GFRA1: variants seen among roughly 807,000 people sequenced by gnomAD.
GFRA1 encodes the protein GDNF family receptor alpha-1.
GFRA1 carries 16 observed loss-of-function variants against 51.6 expected under a neutral mutation model. The observed-to-expected ratio is 0.31, with a 90% CI of 0.21 to 0.47. The LOEUF is 0.47. Ranked by LOEUF, GFRA1 falls within the 20% of genes least tolerant of loss-of-function variation. GFRA1 has a pLI of 1.00. For synonymous variants in GFRA1, 270 were observed against 241.3 expected (o/e 1.12, Z -1.10); for missense variants, 530 against 594.3 (o/e 0.89, Z 1.13).
intron 5 of GFRA1, among the ~76,000 whole-genome samples, chr10:116,207,615 G>GAT (rs375530867): frequency 0.081 from 8,003 of 98,532 alleles, 574 homozygotes; most frequent in African/African-American, 0.22. Context: ...ATATATGATT[G>GAT]ATATATATAT....
intron 9 of GFRA1, among the ~76,000 whole-genome samples, chr10:116,070,759 C>CTTTTT (rs773344299): frequency 1.0e-4 from 10 of 97,708 alleles, no homozygotes; most frequent in African/African-American, 4.3e-4. Flanking sequence ...AGTCTGGAGC[C>CTTTTT]TTTTTTTTTT....
chr10:116,187,823 T>C (rs533669052), intron 5 of GFRA1, among the ~76,000 whole-genome samples: 1 of 152,008 alleles, frequency 6.6e-6, no homozygotes, highest in Non-Finnish European at 1.5e-5. Context: ...AGGATTCTAG[T>C]AAAAAAGGCA....
chr10:116,254,657 A>G (rs1325278216), intron 4 of GFRA1, among the ~76,000 whole-genome samples: 1 of 152,212 alleles, frequency 6.6e-6, no homozygotes, highest in Non-Finnish European at 1.5e-5. Context: ...CTGGGACTTA[A>G]GTCAGAGGCA....
At chr10:116,217,244 C>T (rs1290274709) in intron 4 of GFRA1, among the ~76,000 whole-genome samples, 1 of 152,120 alleles carries the variant, frequency 6.6e-6, no homozygotes, top group African/African-American at 2.4e-5. Flanking sequence ...GGGATCAAGT[C>T]CCAACCCCTT....
intron 9 of GFRA1, among the ~76,000 whole-genome samples, chr10:116,089,091 G>A (rs1035439007): frequency 1.4e-4 from 21 of 152,076 alleles, no homozygotes; most frequent in African/African-American, 5.1e-4. Context: ...CTTCTATCTT[G>A]CTGTGGTTCT....
At chr10:116,214,090 T>G (rs1190376436) in intron 4 of GFRA1, among the ~76,000 whole-genome samples, 1 of 143,614 alleles carries the variant, frequency 7.0e-6, no homozygotes, top group African/African-American at 2.6e-5. Context: ...CGTGTACAGC[T>G]CCCTAAATAT....
At chr10:116,193,654 CCTTGAAGGAGGTATT>C (rs1290537924) in intron 5 of GFRA1, among the ~76,000 whole-genome samples, 1 of 152,152 alleles carries the variant, frequency 6.6e-6, no homozygotes, top group Admixed American at 6.5e-5. Flanking sequence ...TCTAACCCAA[CCTTGAAGGAGGTATT>C]CTTGCATTTA....
rs1281383205 is a variant in GFRA1 at position 116,203,445 on chromosome 10, C to T, written c.433+8186G>A. 4.6e-5 allele frequency among the ~76,000 whole-genome samples: 7 copies of T among 152,284 alleles called. No individual in the cohort carries two copies. The South Asian group carries it at 1.2e-3, about 27-fold the overall frequency. On this transcript the variant is annotated intron_variant, in intron 5 of 10. Transcript: ENST00000355422. Reference sequence around the variant, plus strand: ...TAGGCTCCACATATCTCCACAGGCACCCATCAGCTGGCTGATAGATGCAGC... The same window carrying T: ...TAGGCTCCACATATCTCCACAGGCATCCATCAGCTGGCTGATAGATGCAGC...
intron 4 of GFRA1, among the ~76,000 whole-genome samples, chr10:116,260,352 A>C (rs1969207275): frequency 6.6e-6 from 1 of 152,204 alleles, no homozygotes; most frequent in Non-Finnish European, 1.5e-5. Flanking sequence ...CTCTATAAAA[A>C]TATGCACATG....
At chr10:116,225,300 G>A (rs1446507536) in intron 4 of GFRA1, among the ~76,000 whole-genome samples, 1 of 151,976 alleles carries the variant, frequency 6.6e-6, no homozygotes, top group East Asian at 1.9e-4. Context: ...ACTTTGGGAG[G>A]CCAAGGCAGG....
chr10:116,271,038 G>A lies in GFRA1; in HGVS notation c.118C>T (p.Gln40Ter). 6.2e-7 allele frequency: 1 copy of A among 1,614,156 alleles called. No homozygotes were observed. Among genetic ancestry groups the A allele is most frequent in the South Asian group, 1.1e-5 (1 of 91,092 alleles). The change falls in exon 3 of 11, where the codon CAG becomes TAG. Residue 40 changes from glutamine to a stop codon, truncating the protein, a stop_gained. Coordinates refer to ENST00000355422, the MANE Select transcript of GFRA1 (RefSeq NM_005264.8). LOFTEE classifies it high-confidence loss of function. ...VKASDQCLKEQSCSTKYRTLR... is the reference protein window; with the variant it reads ...VKASDQCLKE Reference sequence around the variant, plus strand: ...GTGCGGTACTTGGTGCTGCAGCTCTGCTCCTTCAGGCACTGATCACTGGCT... The same window carrying A: ...GTGCGGTACTTGGTGCTGCAGCTCTACTCCTTCAGGCACTGATCACTGGCT...
At chr10:116,149,496 A>G (rs1958974841) in intron 5 of GFRA1, among the ~76,000 whole-genome samples, 1 of 152,214 alleles carries the variant, frequency 6.6e-6, no homozygotes, top group African/African-American at 2.4e-5. Flanking sequence ...CTCACTACAC[A>G]CTGGAGGAAG....
intron 4 of GFRA1, among the ~76,000 whole-genome samples, chr10:116,236,365 C>T (rs766373850): frequency 2.0e-5 from 3 of 152,056 alleles, no homozygotes; most frequent in Non-Finnish European, 4.4e-5. Flanking sequence ...TGGAAAATTT[C>T]CCCTCTATGC....
chr10:116,211,905 C>T (rs543901598), intron 4 of GFRA1, among the ~76,000 whole-genome samples: 24 of 152,070 alleles, frequency 1.6e-4, no homozygotes, highest in African/African-American at 3.4e-4. Context: ...GATCTAAGTA[C>T]GGGAAAAATT....
At chr10:116,247,427 C>A (rs1272162515) in intron 4 of GFRA1, among the ~76,000 whole-genome samples, 1 of 152,198 alleles carries the variant, frequency 6.6e-6, no homozygotes, top group African/African-American at 2.4e-5. Flanking sequence ...TTCTTCAAAA[C>A]CCCCAGTCCT....
intron 8 of GFRA1, among the ~76,000 whole-genome samples, chr10:116,091,145 G>C (rs1956317161): frequency 6.6e-6 from 1 of 152,176 alleles, no homozygotes; most frequent in African/African-American, 2.4e-5. Flanking sequence ...ACAGTTTCTT[G>C]CAACTACCTG....
At chr10:116,222,935 T>C (rs1387211319) in intron 4 of GFRA1, among the ~76,000 whole-genome samples, 1 of 152,232 alleles carries the variant, frequency 6.6e-6, no homozygotes, top group African/African-American at 2.4e-5. Flanking sequence ...AACATTTACA[T>C]AGTATTTACA....
intron 9 of GFRA1, among the ~76,000 whole-genome samples, chr10:116,087,020 G>A (rs373060160): frequency 1.3e-5 from 2 of 152,178 alleles, no homozygotes. Context: ...ATTTTACCAT[G>A]TTGGCCAGGC....
intron 4 of GFRA1, among the ~76,000 whole-genome samples, chr10:116,239,944 T>G (rs1180466627): frequency 3.3e-5 from 5 of 152,168 alleles, no homozygotes; most frequent in African/African-American, 1.2e-4. Context: ...CAGTGGAGGT[T>G]CATCAGACTG....
Sources: gnomAD v4.1 joint callset for allele counts (sites outside exome capture counted in the v4.1 genomes callset) on GRCh38, gnomAD v4.1.1 for gene constraint, MANE v1.5 for transcripts, NCBI Gene and HGNC (gene_info 2026-07-23, HGNC 2026-07-21) for gene names.